AGPAT3: variants seen among roughly 807,000 people sequenced by gnomAD.
AGPAT3 encodes 1-acyl-sn-glycerol-3-phosphate acyltransferase gamma.
Under a neutral mutation model 47.3 loss-of-function variants are expected in AGPAT3, and 5 were observed. The observed-to-expected ratio is 0.11, with a 90% CI of 0.06 to 0.22. The LOEUF (loss-of-function observed/expected upper bound fraction) is 0.22, where lower values mean the gene tolerates loss of function less well. Ranked by LOEUF, AGPAT3 falls within the 10% of genes least tolerant of loss-of-function variation. The pLI is 1.00. For missense variants in AGPAT3, 315 were observed against 493.0 expected (o/e 0.64, Z 3.42); for synonymous variants, 212 against 208.3 (o/e 1.02, Z -0.15).
chr21:43,908,630 C>T lies in AGPAT3; in HGVS notation c.-49+4611C>T, dbSNP rs2086559226. Among the ~76,000 whole-genome samples the T allele has an allele frequency of 1.3e-5, 2 of 152,178 alleles. No individual in the cohort carries two copies. Among genetic ancestry groups the T allele is most frequent in the South Asian group, 4.1e-4 (2 of 4,828 alleles). On this transcript the variant is annotated intron_variant, in intron 2 of 9. Coordinates refer to ENST00000291572, the MANE Select transcript of AGPAT3 (RefSeq NM_020132.5). This position sits in a 1 kb window ranked among gnomAD's most constrained non-coding sequence, Gnocchi z 4.9. ...GAGAAAGGACCTATGGCCTCCAGCT[C>T]CGGGTTCAGGGCTGTGTCCAGGTTC...
rs1446308987 is a variant in AGPAT3, at chr21:43,959,418, TGTG to T, written c.-48-212_-48-210del. ...GGTTTGCAGTGGTGTGTGTGTGGTT[TGTG>T]GTGTGTGGCGTGTGTGTGGTTTGCA... On this transcript the variant is annotated intron_variant, in intron 2 of 9. Coordinates refer to ENST00000291572, the MANE Select transcript of AGPAT3 (RefSeq NM_020132.5). 5.5e-5 allele frequency among the ~76,000 whole-genome samples: 8 copies of T among 144,312 alleles called. No individual in the cohort carries two copies. The East Asian group carries it at 1.7e-3, about 30-fold the overall frequency. The allele number at this position is 144,312 out of a possible 152,430, so 94.7% of individuals were successfully genotyped here. A position where few individuals can be genotyped will look rare whatever the true frequency, so the allele number is the denominator to read the frequency against.
At chr21:43,929,332 G>A (rs2087162915) in intron 2 of AGPAT3, among the ~76,000 whole-genome samples, 1 of 152,144 alleles carries the variant, frequency 6.6e-6, no homozygotes, top group Non-Finnish European at 1.5e-5. Context: ...AGTAACCCGC[G>A]CCCTGTCCCC....
chr21:43,926,732 G>A (rs2087068201), intron 2 of AGPAT3, among the ~76,000 whole-genome samples: 1 of 148,390 alleles, frequency 6.7e-6, no homozygotes, highest in South Asian at 2.1e-4. Context: ...GGCCGAGGTG[G>A]GTGGATCACT....
chr21:43,876,424 G>A (rs1286638945), intron 1 of AGPAT3, among the ~76,000 whole-genome samples: 1 of 152,208 alleles, frequency 6.6e-6, no homozygotes, highest in Non-Finnish European at 1.5e-5. Flanking sequence ...GTGGATTCCT[G>A]CAAGGCTTGA....
chr21:43,906,470 A>C (rs1337003559), intron 2 of AGPAT3, among the ~76,000 whole-genome samples: 2 of 152,194 alleles, frequency 1.3e-5, no homozygotes, highest in African/African-American at 4.8e-5. Flanking sequence ...TATCAGAGAA[A>C]CGAACTTTTT....
At chr21:43,868,892 C>T (rs958552472) in intron 1 of AGPAT3, among the ~76,000 whole-genome samples, 1 of 152,152 alleles carries the variant, frequency 6.6e-6, no homozygotes, top group Non-Finnish European at 1.5e-5. Context: ...GTGTGGCCAG[C>T]GTCTCAGCTT....
chr21:43,949,670 G>C (rs1280117848), intron 2 of AGPAT3, among the ~76,000 whole-genome samples: 1 of 152,204 alleles, frequency 6.6e-6, no homozygotes, highest in Non-Finnish European at 1.5e-5. Context: ...GTTGCAGCCT[G>C]GTCACACGGG....
At chr21:43,974,357 T>A (rs1032468461) in intron 7 of AGPAT3, among the ~76,000 whole-genome samples, 1 of 151,686 alleles carries the variant, frequency 6.6e-6, no homozygotes, top group Non-Finnish European at 1.5e-5. Context: ...AAATTACATA[T>A]GTGTATGGTG....
chr21:43,968,142 G>A (rs777657268), intron 4 of AGPAT3, 27 bp downstream of exon 4: 71 of 1,609,700 alleles, frequency 4.4e-5, no homozygotes, highest in East Asian at 6.7e-5. Context: ...GGAGGGCCAC[G>A]GGTGAGCAGG....
chr21:43,945,696 T>C (rs2087855134), intron 2 of AGPAT3, among the ~76,000 whole-genome samples: 1 of 152,210 alleles, frequency 6.6e-6, no homozygotes, highest in Admixed American at 6.5e-5. Flanking sequence ...TTCTGAAACC[T>C]ACTCGGTTTA....
intron 2 of AGPAT3, among the ~76,000 whole-genome samples, chr21:43,938,411 G>A (rs1214361586): frequency 7.2e-6 from 1 of 139,638 alleles, no homozygotes; most frequent in East Asian, 2.1e-4. Flanking sequence ...GAGTTCAAGC[G>A]ATTCTCCTGC....
chr21:43,944,184 G>A (rs982089811), intron 2 of AGPAT3, among the ~76,000 whole-genome samples: 2 of 152,250 alleles, frequency 1.3e-5, no homozygotes, highest in Non-Finnish European at 2.9e-5. Flanking sequence ...TGCCCCAAAT[G>A]TCACAGCCCC....
intron 8 of AGPAT3, among the ~76,000 whole-genome samples, chr21:43,979,576 A>G (rs1327794565): frequency 6.6e-6 from 1 of 152,212 alleles, no homozygotes; most frequent in Non-Finnish European, 1.5e-5. Context: ...GACCCTCAGG[A>G]AGGTTAAACT....
rs1361776156 is a variant in AGPAT3, at chr21:43,880,697, CTTG to C, written c.-112+15355_-112+15357del. Among the ~76,000 whole-genome samples the C allele has an allele frequency of 2.6e-5, 4 of 152,298 alleles. No homozygotes were observed. Among genetic ancestry groups the C allele is most frequent in the African/African-American group, 2.4e-5 (1 of 41,568 alleles). ...TTTCACAATGATTTTGCCAATTACC[CTTG>C]TTATTTCCACTCACATATATCTCCC... On this transcript the variant is annotated intron_variant, in intron 1 of 9. Transcript: ENST00000291572. The surrounding 1 kb of genome is among the most constrained non-coding windows in gnomAD (Gnocchi z 4.5).
At chr21:43,958,204 T>C (rs775772729) in intron 2 of AGPAT3, among the ~76,000 whole-genome samples, 3 of 152,216 alleles carry the variant, frequency 2.0e-5, no homozygotes, top group Non-Finnish European at 4.4e-5. Flanking sequence ...TCTAGTCTTT[T>C]CGTTTTTTCT....
intron 4 of AGPAT3, 21 bp downstream of exon 4, chr21:43,968,136 G>C (rs1479537638): frequency 1.2e-6 from 2 of 1,610,726 alleles, no homozygotes; most frequent in Non-Finnish European, 1.7e-6. Flanking sequence ...ACCTGGGGAG[G>C]GCCACGGGTG....
chr21:43,952,593 G>A lies in AGPAT3; in HGVS notation c.-48-7041G>A, dbSNP rs2088252321. On this transcript the variant is annotated intron_variant, in intron 2 of 9. Transcript: ENST00000291572. This position sits in a 1 kb window ranked among gnomAD's most constrained non-coding sequence, Gnocchi z 5.6. ...CAGGGGCCAGGACAAAACCCAAGAA[G>A]CAGCCATCACGCCCCAGGACCAAGA... Among the ~76,000 whole-genome samples the A allele has an allele frequency of 6.6e-6, 1 of 152,192 alleles. No homozygotes were observed. The highest frequency in any genetic ancestry group is 1.5e-5 in the Non-Finnish European group (1 of 68,014).
At chr21:43,870,786 C>T (rs1026585333) in intron 1 of AGPAT3, among the ~76,000 whole-genome samples, 2 of 152,116 alleles carry the variant, frequency 1.3e-5, no homozygotes, top group African/African-American at 4.8e-5. Context: ...TTTTGGTGAA[C>T]AAAGCTATAC....
chr21:43,970,600 T>C lies in AGPAT3; in HGVS notation c.511-53T>C. On this transcript the variant is annotated intron_variant, in intron 5 of 9. Transcript: ENST00000291572. This position sits in a 1 kb window ranked among gnomAD's most constrained non-coding sequence, Gnocchi z 5.8. ...CAGAGAGGCAGGCCTGGCCTGGACA[T>C]GCACCCACCCCAGCTGCTCTGTGGA... The C allele has an allele frequency of 6.3e-7, 1 of 1,593,850 alleles. No homozygotes were observed.
Sources: gnomAD v4.1 joint callset for allele counts (sites outside exome capture counted in the v4.1 genomes callset) on GRCh38, gnomAD v4.1.1 for gene constraint, Gnocchi (gnomAD v3.1) non-coding constraint, MANE v1.5 for transcripts, NCBI Gene and HGNC (gene_info 2026-07-23, HGNC 2026-07-21) for gene names.